The following MOV10L1 variants were observed in gnomAD, a reference collection of about 807,000 sequenced individuals.
MOV10L1 encodes the protein RNA helicase Mov10l1.
In MOV10L1, 110 loss-of-function variants were observed where a neutral mutation model predicts 143.8. The observed-to-expected ratio is 0.76, with a 90% CI of 0.66 to 0.90. The LOEUF is 0.90. Among genes scored for constraint, MOV10L1 ranks in the 40% least tolerant of loss-of-function variants. MOV10L1 has a pLI of 0.00. For synonymous variants in MOV10L1, 593 were observed against 581.1 expected, an observed-to-expected ratio of 1.02 and a Z score of -0.29; for missense variants, 1,406 against 1,526.8, an observed-to-expected ratio of 0.92 and a Z score of 1.32.
chr22:50,148,269 G>A (rs570549337), intron 19 of MOV10L1, among the ~76,000 whole-genome samples: 1 of 152,350 alleles, frequency 6.6e-6, no homozygotes, highest in South Asian at 2.1e-4. Context: ...GAGGCCTCCT[G>A]ACCACAGAGC....
At chr22:50,133,428 C>T (rs1449132757) in intron 13 of MOV10L1, among the ~76,000 whole-genome samples, 3 of 148,650 alleles carry the variant, frequency 2.0e-5, no homozygotes, top group Non-Finnish European at 4.4e-5. Flanking sequence ...CACTGCACTC[C>T]AGCCTAGGCA....
chr22:50,117,868 T>C (rs2062225507), intron 9 of MOV10L1, among the ~76,000 whole-genome samples: 1 of 152,172 alleles, frequency 6.6e-6, no homozygotes, highest in African/African-American at 2.4e-5. Flanking sequence ...AGATTTTAAC[T>C]GGAGGGTAGT....
intron 15 of MOV10L1, among the ~76,000 whole-genome samples, chr22:50,135,608 G>T (rs564968001): frequency 6.6e-6 from 1 of 151,736 alleles, no homozygotes; most frequent in Non-Finnish European, 1.5e-5. Flanking sequence ...AAAATTAGCC[G>T]GGCATGATGG....
At chr22:50,114,673 G>A (rs369105488) in intron 7 of MOV10L1, 51 bp downstream of exon 7, 108 of 1,597,900 alleles carry the variant, frequency 6.8e-5, no homozygotes, top group East Asian at 6.3e-4. Flanking sequence ...GCTGGGGGCC[G>A]TGGGGTTGTG....
At chr22:50,122,322 TA>T (rs1274724884) in intron 10 of MOV10L1, among the ~76,000 whole-genome samples, 2 of 152,246 alleles carry the variant, frequency 1.3e-5, no homozygotes, top group African/African-American at 4.8e-5. Flanking sequence ...CTGTTGTAAA[TA>T]CATTGCTCTC....
chr22:50,139,689 T>A (rs1423357561), intron 15 of MOV10L1, among the ~76,000 whole-genome samples: 1 of 152,224 alleles, frequency 6.6e-6, no homozygotes, highest in African/African-American at 2.4e-5. Context: ...AAGAACTCAA[T>A]TTTTTATAAT....
chr22:50,092,142 T>G lies in MOV10L1; in HGVS notation c.239T>G (p.Val80Gly). ...LLNVGQEVIA[V>G]VEENKVSNGL... ...AATGTTGGACAGGAAGTGATTGCAG[T>G]TGTGGAAGAAAATAAAGTGTCCAAT... The change falls in exon 2 of 27, where the codon GTT becomes GGT. Residue 80 changes from valine to glycine, a missense_variant. Physicochemically the swap from Val to Gly is moderately radical, Grantham distance 109 (BLOSUM62 -3). This residue lies in a region of MOV10L1 where 166 missense variants were observed against 153.9 expected (regional missense o/e 1.08). Transcript: ENST00000262794. 1 of 1,614,218 alleles carries G rather than the reference T, an allele frequency of 6.2e-7. No homozygotes were observed. The highest frequency in any genetic ancestry group is 8.5e-7 in the Non-Finnish European group (1 of 1,180,030).
chr22:50,150,545 T>A (rs949173000), intron 20 of MOV10L1, among the ~76,000 whole-genome samples, 190 bp from the exon 21 acceptor site: 1 of 152,184 alleles, frequency 6.6e-6, no homozygotes, highest in East Asian at 1.9e-4. Flanking sequence ...ATGGCAGGAC[T>A]TCAGGGGGAA....
Position 50,161,565 on chromosome 22 carries a change from T to C in MOV10L1, c.*116T>C. The C allele has an allele frequency of 1.9e-6, 2 of 1,068,646 alleles. No individual in the cohort carries two copies. The highest frequency in any genetic ancestry group is 2.7e-6 in the Non-Finnish European group (2 of 749,210). The allele number at this position is 1,068,646 out of a possible 1,614,324, so 66.2% of individuals were successfully genotyped here. ...TCTCGCAGCCAGGCAGGGTCGTGTG[T>C]GGGTGTGGGGCTGCCAGGTTGGACG... On this transcript the variant is annotated 3_prime_UTR_variant, in exon 27 of 27. Transcript: ENST00000262794.
chr22:50,139,285 A>G (rs945809490), intron 15 of MOV10L1, among the ~76,000 whole-genome samples: 1 of 152,098 alleles, frequency 6.6e-6, no homozygotes, highest in African/African-American at 2.4e-5. Context: ...TGCATCTAGG[A>G]AACAGCATAG....
intron 10 of MOV10L1, among the ~76,000 whole-genome samples, chr22:50,121,470 AT>A (rs141066342): frequency 0.03 from 4,517 of 152,212 alleles, 232 homozygotes; most frequent in African/African-American, 0.1. Flanking sequence ...GCCCAAACTT[AT>A]GTTCCCCAAT....
intron 4 of MOV10L1, 172 bp downstream of exon 4, chr22:50,108,420 A>G (rs1483561753): frequency 1.3e-6 from 1 of 778,496 alleles, no homozygotes; most frequent in Admixed American, 2.0e-5. Context: ...TCGTTTGGAA[A>G]CAATAACTCC....
rs1339076876 is a variant in MOV10L1 at position 50,152,055 on chromosome 22, C to T, written c.2893-990C>T. ...TTGGAGTAGCACGTTGGAGGCTGGACACATTCTATTTAGGCTTGACAGAGT... is the reference window on the plus strand; with the variant it reads ...TTGGAGTAGCACGTTGGAGGCTGGATACATTCTATTTAGGCTTGACAGAGT... On this transcript the variant is annotated intron_variant, in intron 21 of 26. Coordinates refer to ENST00000262794, the MANE Select transcript of MOV10L1 (RefSeq NM_018995.3). This position sits in a 1 kb window ranked among gnomAD's most constrained non-coding sequence, Gnocchi z 4.4. Among the ~76,000 whole-genome samples, 1 of 152,248 alleles carries T rather than the reference C, an allele frequency of 6.6e-6. No homozygotes were observed. The highest frequency in any genetic ancestry group is 1.9e-4 in the East Asian group (1 of 5,196).
In MOV10L1 at chr22:50,128,461, C is replaced by T; in HGVS notation, c.1864C>T (p.Gln622Ter). 6.5e-7 allele frequency: 1 copy of T among 1,531,286 alleles called. No homozygotes were observed. The highest frequency in any genetic ancestry group is 1.1e-5 in the South Asian group (1 of 88,580). 94.9% of individuals were successfully genotyped at this position (1,531,286 alleles called of 1,614,324 possible). A position where few individuals can be genotyped will look rare whatever the true frequency, so the allele number is the denominator to read the frequency against. ...TCTTAAAATTAATCCAGAATTTGAA[C>T]AAGCCTATAACTTTGAACCTATGGA... ...VTLKINPEFEQAYNFEPMDVE... is the reference protein window; with the variant it reads ...VTLKINPEFE Residue 622 changes from glutamine (Q) to a stop codon, truncating the protein, a stop_gained, in exon 13 of 27, where the codon CAA (glutamine) becomes TAA (stop). Transcript: ENST00000262794. LOFTEE classifies it high-confidence loss of function.
At chr22:50,136,187 C>T (rs529964233) in intron 15 of MOV10L1, among the ~76,000 whole-genome samples, 4 of 152,168 alleles carry the variant, frequency 2.6e-5, no homozygotes, top group African/African-American at 9.6e-5. Context: ...AGAAAAGAGT[C>T]TTCCTTGGAC....
intron 21 of MOV10L1, 101 bp downstream of exon 21, chr22:50,151,000 T>G (rs1283975400): frequency 8.8e-6 from 13 of 1,471,824 alleles, no homozygotes; most frequent in Non-Finnish European, 1.1e-5. Flanking sequence ...GTCATCTCCA[T>G]CCGTGGGCAG....
chr22:50,101,829 C>T (rs959064955), intron 3 of MOV10L1, among the ~76,000 whole-genome samples: 1 of 152,044 alleles, frequency 6.6e-6, no homozygotes, highest in Non-Finnish European at 1.5e-5. Flanking sequence ...TGGTTGTTAA[C>T]CCTGGGATCC....
chr22:50,114,288 C>T (rs904159497), intron 6 of MOV10L1, 93 bp from the exon 7 acceptor site: 1 of 1,443,454 alleles, frequency 6.9e-7, no homozygotes, highest in Non-Finnish European at 9.5e-7. Flanking sequence ...TTTGCAGTCA[C>T]CACTTCCTAG....
At chr22:50,161,291 C>A in intron 26 of MOV10L1, 77 bp from the exon 27 acceptor site, 1 of 1,262,366 alleles carries the variant, frequency 7.9e-7, no homozygotes, top group Non-Finnish European at 1.1e-6. Context: ...GTAAAACCCA[C>A]ATTGGGAAAA....
Sources: allele counts gnomAD v4.1 joint callset (sites outside exome capture counted in the v4.1 genomes callset), GRCh38; gene constraint gnomAD v4.1.1; regional missense constraint gnomAD v4.1.1; non-coding constraint Gnocchi (gnomAD v3.1); transcripts MANE v1.5; gene names NCBI Gene and HGNC (gene_info 2026-07-23, HGNC 2026-07-21).